The following MDGA2 variants were observed in gnomAD, a reference collection of about 807,000 sequenced individuals.
MDGA2 encodes the protein MAM domain-containing glycosylphosphatidylinositol anchor protein 2.
A neutral mutation model predicts 117.8 loss-of-function variants in MDGA2; 40 were observed. The ratio of observed to expected loss-of-function variants is 0.34; its 90% confidence interval spans 0.26 to 0.44. The LOEUF is 0.44. MDGA2 is among the 20% of genes least tolerant of loss of function. The pLI, the probability that MDGA2 is intolerant of heterozygous loss-of-function variation, is 1.00. For synonymous variants in MDGA2, 452 were observed against 439.0 expected (o/e 1.03, Z -0.37); for missense variants, 1,123 against 1,250.6 (o/e 0.90, Z 1.54).
At chr14:47,153,388 G>C (rs534974854) in intron 3 of MDGA2, among the ~76,000 whole-genome samples, 1 of 152,294 alleles carries the variant, frequency 6.6e-6, no homozygotes, top group African/African-American at 2.4e-5. Flanking sequence ...TAAGGACCTG[G>C]ATTTGGCAGT....
intron 7 of MDGA2, among the ~76,000 whole-genome samples, chr14:47,042,896 T>C (rs1392314748): frequency 2.0e-5 from 3 of 152,106 alleles, no homozygotes; most frequent in African/African-American, 4.8e-5. Context: ...ATAATTATCA[T>C]ATACCTCACA....
At chr14:47,191,301 G>T (rs1384950389) in intron 3 of MDGA2, among the ~76,000 whole-genome samples, 3 of 151,186 alleles carry the variant, frequency 2.0e-5, no homozygotes, top group Non-Finnish European at 4.4e-5. Context: ...TATTTTTAAA[G>T]ACTCAATAAA....
intron 1 of MDGA2, among the ~76,000 whole-genome samples, chr14:47,548,005 T>C (rs1257315120): frequency 1.3e-5 from 2 of 152,228 alleles, no homozygotes; most frequent in Non-Finnish European, 2.9e-5. Flanking sequence ...ACAAATTACA[T>C]CCTTATATAT....
intron 8 of MDGA2, among the ~76,000 whole-genome samples, chr14:46,968,762 G>C (rs376016756): frequency 6.6e-6 from 1 of 151,622 alleles, no homozygotes; most frequent in African/African-American, 2.4e-5. Flanking sequence ...GCTTAAACCT[G>C]GGAGGCAGAG....
chr14:47,365,352 A>G (rs1234391069), intron 1 of MDGA2, among the ~76,000 whole-genome samples: 2 of 152,220 alleles, frequency 1.3e-5, no homozygotes, highest in African/African-American at 4.8e-5. Flanking sequence ...CACAGCTGCT[A>G]AGGCGGAGAT....
rs1566624369 is a variant in MDGA2, at chr14:47,101,123, AGACAGATAGAT to A, written c.926-4011_926-4001del. ...TAGATAGATAGATAGATAGATAGATAGACAGATAGATAGAAAGAAATTGGTCCTGGAGAGGC... is the reference window on the plus strand; with the variant it reads ...TAGATAGATAGATAGATAGATAGATAAGAAAGAAATTGGTCCTGGAGAGGC... On this transcript the variant is annotated intron_variant, in intron 5 of 16. Transcript: ENST00000399232. Among the ~76,000 whole-genome samples, 206 of 50,134 alleles carry A rather than the reference AGACAGATAGAT, an allele frequency of 4.1e-3. 3 individuals are homozygous for A. The highest frequency in any genetic ancestry group is 5.5e-3 in the Admixed American group (34 of 6,174). The allele number at this position is 50,134 out of a possible 152,430, so 32.9% of individuals were successfully genotyped here.
intron 10 of MDGA2, among the ~76,000 whole-genome samples, chr14:46,910,608 C>T (rs1883661190): frequency 6.6e-6 from 1 of 152,114 alleles, no homozygotes; most frequent in African/African-American, 2.4e-5. Flanking sequence ...CTTAATTCAA[C>T]ATAACAATGG....
At chr14:47,402,986 C>A (rs151103985) in intron 1 of MDGA2, among the ~76,000 whole-genome samples, 1 of 152,272 alleles carries the variant, frequency 6.6e-6, no homozygotes, top group African/African-American at 2.4e-5. Flanking sequence ...TATAATCTCT[C>A]CCTCTTGACT....
At chr14:47,565,318 A>G (rs558905914) in intron 1 of MDGA2, among the ~76,000 whole-genome samples, 1 of 152,102 alleles carries the variant, frequency 6.6e-6, no homozygotes, top group East Asian at 1.9e-4. Flanking sequence ...TTGCTTTTCT[A>G]TCTTCTTTGA....
intron 13 of MDGA2, 132 bp downstream of exon 13, chr14:46,873,913 T>G (rs1025717250): frequency 2.5e-6 from 2 of 794,116 alleles, no homozygotes; most frequent in Admixed American, 3.2e-5. Flanking sequence ...ATATCTAAAT[T>G]GATACTGTAC....
chr14:47,171,873 AG>A, intron 3 of MDGA2, among the ~76,000 whole-genome samples: 1 of 152,344 alleles, frequency 6.6e-6, no homozygotes, highest in East Asian at 1.9e-4. Context: ...ACAAGGGGTC[AG>A]GGAGTTCCCT....
In MDGA2 at chr14:46,906,370, T is replaced by G. The variant is rs191383499; in HGVS notation, c.2238+13642A>C. 2.5e-3 allele frequency among the ~76,000 whole-genome samples: 376 copies of G among 152,176 alleles called. 5 individuals are homozygous for G. The highest frequency in any genetic ancestry group is 8.5e-3 in the African/African-American group (355 of 41,556). On this transcript the variant is annotated intron_variant, in intron 10 of 16. Coordinates refer to ENST00000399232, the MANE Select transcript of MDGA2 (RefSeq NM_001113498.3). Reference sequence around the variant, plus strand: ...GTCCTAAAATACTTAAAATAGGAAGTAATAGTTGGGACCAGAATTACTGAA... The same window carrying G: ...GTCCTAAAATACTTAAAATAGGAAGGAATAGTTGGGACCAGAATTACTGAA...
At chr14:47,640,379 G>A (rs1017069691) in intron 1 of MDGA2, among the ~76,000 whole-genome samples, 1 of 151,960 alleles carries the variant, frequency 6.6e-6, no homozygotes, top group Non-Finnish European at 1.5e-5. Flanking sequence ...CTTACCCGAT[G>A]TACTGCAATG....
intron 2 of MDGA2, among the ~76,000 whole-genome samples, chr14:47,253,134 A>G (rs1887502805): frequency 6.6e-6 from 1 of 152,164 alleles, no homozygotes; most frequent in Non-Finnish European, 1.5e-5. Context: ...ACTACAATTC[A>G]AGATGAGATT....
Position 47,201,189 on chromosome 14 carries a change from C to G in MDGA2, c.595+16832G>C, listed in dbSNP as rs1448013627. On this transcript the variant is annotated intron_variant, in intron 3 of 16. Transcript: ENST00000399232. Reference sequence around the variant, plus strand: ...CCTGCTCCATCAACTTCTTGAGGAACATTTTTCACGTGGTTTATAACCCCT... The same window carrying G: ...CCTGCTCCATCAACTTCTTGAGGAAGATTTTTCACGTGGTTTATAACCCCT... 5 of 600,586 alleles carry G rather than the reference C, an allele frequency of 8.3e-6. No individual in the cohort carries two copies. The African/African-American group carries it at 9.3e-5, about 11-fold the overall frequency. 37.2% of individuals were successfully genotyped at this position (600,586 alleles called of 1,614,324 possible).
chr14:46,949,384 T>G (rs970597201), intron 9 of MDGA2, among the ~76,000 whole-genome samples: 1 of 151,972 alleles, frequency 6.6e-6, no homozygotes, highest in Non-Finnish European at 1.5e-5. Context: ...TTGGGGCATA[T>G]GTGTAGTTTT....
At chr14:47,529,380 T>C (rs951632033) in intron 1 of MDGA2, among the ~76,000 whole-genome samples, 7 of 152,154 alleles carry the variant, frequency 4.6e-5, no homozygotes, top group Non-Finnish European at 1.0e-4. Context: ...GTATATATAT[T>C]TATGGGAGTA....
chr14:47,588,527 C>G (rs1896375935), intron 1 of MDGA2, among the ~76,000 whole-genome samples: 3 of 151,800 alleles, frequency 2.0e-5, no homozygotes, highest in African/African-American at 7.2e-5. Flanking sequence ...ATCTGTGTAT[C>G]TTCCTTGAAG....
intron 4 of MDGA2, among the ~76,000 whole-genome samples, chr14:47,140,788 C>G (rs1349662914): frequency 6.6e-6 from 1 of 151,930 alleles, no homozygotes; most frequent in East Asian, 1.9e-4. Flanking sequence ...GCAACTGAAA[C>G]AGAAATAGAG....
Sources: allele counts gnomAD v4.1 joint callset (sites outside exome capture counted in the v4.1 genomes callset), GRCh38; gene constraint gnomAD v4.1.1; transcripts MANE v1.5; gene names NCBI Gene and HGNC (gene_info 2026-07-23, HGNC 2026-07-21).